ANKS3: variants seen among roughly 807,000 people sequenced by gnomAD.
ANKS3 encodes the protein ankyrin repeat and SAM domain-containing protein 3.
A neutral mutation model predicts 80.7 loss-of-function variants in ANKS3; 62 were observed. The observed-to-expected ratio is 0.77, with a 90% CI of 0.63 to 0.95. ANKS3 has a LOEUF of 0.95. Among genes scored for constraint, ANKS3 ranks in the 40% least tolerant of loss-of-function variants. ANKS3 has a pLI of 0.00. For synonymous variants in ANKS3, 489 were observed against 355.3 expected (o/e 1.38, Z -4.23); for missense variants, 1,150 against 883.6 (o/e 1.30, Z -3.82).
chr16:4,698,280 A>G (rs2079691105), intron 14 of ANKS3, 147 bp downstream of exon 14: 4 of 1,237,422 alleles, frequency 3.2e-6, no homozygotes, highest in South Asian at 3.2e-5. Flanking sequence ...GCAGGAAGGA[A>G]GGGCCTGATG....
chr16:4,698,109 C>CT, intron 14 of ANKS3, 47 bp from the exon 15 acceptor site: 1 of 1,539,194 alleles, frequency 6.5e-7, no homozygotes, highest in Non-Finnish European at 8.8e-7. Flanking sequence ...GGCCTGGCCG[C>CT]TGCAGAGCCC....
In ANKS3 at chr16:4,697,110, G is replaced by GA; in HGVS notation, c.1895-7dup. The GA allele has an allele frequency of 6.2e-7, 1 of 1,613,122 alleles. No individual in the cohort carries two copies. The highest frequency in any genetic ancestry group is 1.1e-5 in the South Asian group (1 of 90,930). ...CACTAAGCACAGTGCTTGCCCTGAG[G>GA]AATGATGACCTTGAGCCTCTCCCGG... On this transcript the variant is annotated splice_polypyrimidine_tract_variant and splice_region_variant and intron_variant, in intron 16 of 17. Transcript: ENST00000304283.
chr16:4,701,048 G>A lies in ANKS3; in HGVS notation c.1206C>T (p.Pro402=), dbSNP rs777339698. 1 of 1,614,122 alleles carries A rather than the reference G, an allele frequency of 6.2e-7. No homozygotes were observed. The highest frequency in any genetic ancestry group is 8.5e-7 in the Non-Finnish European group (1 of 1,180,038). The change falls in exon 11 of 18, where the codon CCC becomes CCT. Residue 402 remains proline (P), a synonymous_variant. Coordinates refer to ENST00000304283, the MANE Select transcript of ANKS3 (RefSeq NM_133450.4). ...AGCCTTCCCTGTCAGTTGCAGCGCGGGGAGGCCACTGGCTGTCAGGATTCT... is the reference window on the plus strand; with the variant it reads ...AGCCTTCCCTGTCAGTTGCAGCGCGAGGAGGCCACTGGCTGTCAGGATTCT... ...KTKNPDSQWP[P]RAATDREGFL...
intron 6 of ANKS3, among the ~76,000 whole-genome samples, chr16:4,721,684 G>T (rs886091169): frequency 1.3e-5 from 2 of 150,984 alleles, no homozygotes; most frequent in African/African-American, 2.4e-5. Context: ...TGTCACCCAG[G>T]CTGGAGTGCA....
chr16:4,732,458 G>T (rs925928271), intron 1 of ANKS3, among the ~76,000 whole-genome samples: 1 of 152,106 alleles, frequency 6.6e-6, no homozygotes, highest in African/African-American at 2.4e-5. Flanking sequence ...CAAGCGTGAC[G>T]GACCACTTGA....
intron 8 of ANKS3, among the ~76,000 whole-genome samples, chr16:4,703,761 T>A (rs986548391): frequency 1.6e-4 from 25 of 152,174 alleles, no homozygotes; most frequent in African/African-American, 5.3e-4. Flanking sequence ...ATAGAAAATT[T>A]AAATTTCACA....
In ANKS3 at chr16:4,713,932, G is replaced by C. The variant is rs2080633759; in HGVS notation, c.709+119C>G. The C allele has an allele frequency of 5.7e-6, 8 of 1,406,128 alleles. No homozygotes were observed. In the African/African-American group the frequency reaches 5.8e-5, roughly 10 times the overall value. The allele number at this position is 1,406,128 out of a possible 1,614,324, so 87.1% of individuals were successfully genotyped here. ...GACATGTAAGCAGCTGGGGGAGGCA[G>C]AGCCAAATCTCAGAGAAGGTGGGAG... is the stretch of plus-strand genomic sequence containing the variant. On this transcript the variant is annotated intron_variant, in intron 7 of 17. Transcript: ENST00000304283.
intron 7 of ANKS3, among the ~76,000 whole-genome samples, chr16:4,708,461 G>C (rs1001842202): frequency 2.6e-5 from 4 of 151,846 alleles, no homozygotes; most frequent in African/African-American, 9.7e-5. Flanking sequence ...AGCAACAAAA[G>C]GGCAACAATG....
intron 6 of ANKS3, among the ~76,000 whole-genome samples, chr16:4,717,939 G>A (rs1567398609): frequency 6.6e-6 from 1 of 152,160 alleles, no homozygotes. Context: ...GGGACTACAG[G>A]GGCACGCCAC....
At chr16:4,722,112 C>T (rs1031791469) in intron 6 of ANKS3, among the ~76,000 whole-genome samples, 1 of 151,344 alleles carries the variant, frequency 6.6e-6, no homozygotes, top group African/African-American at 2.4e-5. Flanking sequence ...GCCTGCGGTG[C>T]ACCCACCTTC....
chr16:4,710,126 G>C (rs540236044), intron 7 of ANKS3, among the ~76,000 whole-genome samples: 20 of 152,176 alleles, frequency 1.3e-4, no homozygotes, highest in Admixed American at 3.9e-4. Flanking sequence ...CAGAGGTTGG[G>C]GGTGGGGAGG....
At chr16:4,722,115 C>A (rs1277408793) in intron 6 of ANKS3, among the ~76,000 whole-genome samples, 2 of 151,208 alleles carry the variant, frequency 1.3e-5, no homozygotes, top group Non-Finnish European at 3.0e-5. Context: ...TGCGGTGCAC[C>A]CACCTTCTGG....
intron 14 of ANKS3, 76 bp downstream of exon 14, chr16:4,698,351 A>G (rs1015658821): frequency 7.0e-7 from 1 of 1,428,110 alleles, no homozygotes. Context: ...AATCAGGAGG[A>G]AAGGATGTGT....
intron 2 of ANKS3, among the ~76,000 whole-genome samples, chr16:4,730,887 C>A (rs1035709523): frequency 2.6e-5 from 4 of 151,904 alleles, no homozygotes; most frequent in Non-Finnish European, 4.4e-5. Context: ...AACAAAAAAG[C>A]AGCTCTGCTA....
chr16:4,716,992 T>G (rs8059549), intron 6 of ANKS3, among the ~76,000 whole-genome samples: 12,330 of 151,450 alleles, frequency 0.081, 1,036 homozygotes, highest in African/African-American at 0.22. Flanking sequence ...AGCACTTTGG[T>G]AGGCCGAGAC....
At chr16:4,706,476 C>A (rs1042172390) in intron 7 of ANKS3, among the ~76,000 whole-genome samples, 1 of 152,154 alleles carries the variant, frequency 6.6e-6, no homozygotes, top group Non-Finnish European at 1.5e-5. Flanking sequence ...ACCTTGTGAT[C>A]CGCCCACCTT....
chr16:4,705,860 C>T (rs976267212), intron 7 of ANKS3, among the ~76,000 whole-genome samples: 1 of 152,082 alleles, frequency 6.6e-6, no homozygotes, highest in Non-Finnish European at 1.5e-5. Flanking sequence ...AAACCCATCT[C>T]TTCATTAAAA....
At chr16:4,722,035 T>C (rs897109610) in intron 6 of ANKS3, among the ~76,000 whole-genome samples, 1 of 151,464 alleles carries the variant, frequency 6.6e-6, no homozygotes, top group Middle Eastern at 3.4e-3. Context: ...CATGAGCATG[T>C]GTGGGTGTAT....
rs748925962 is a variant in ANKS3 at position 4,720,981 on chromosome 16, C to T, written c.573+3769G>A. Among the ~76,000 whole-genome samples, 71 of 142,138 alleles carry T rather than the reference C, an allele frequency of 5.0e-4. 3 individuals are homozygous for T. Among genetic ancestry groups the T allele is most frequent in the Non-Finnish European group, 9.0e-4 (59 of 65,466 alleles). 93.2% of individuals were successfully genotyped at this position (142,138 alleles called of 152,430 possible). Reference sequence around the variant, plus strand: ...ACAAAAAAACTCTGATTCATCCCTACAGGGAATACCATGCCACCATAAAAA... The same window carrying T: ...ACAAAAAAACTCTGATTCATCCCTATAGGGAATACCATGCCACCATAAAAA... On this transcript the variant is annotated intron_variant, in intron 6 of 17. Transcript: ENST00000304283.
Sources: allele counts gnomAD v4.1 joint callset (sites outside exome capture counted in the v4.1 genomes callset), GRCh38; gene constraint gnomAD v4.1.1; transcripts MANE v1.5; gene names NCBI Gene and HGNC (gene_info 2026-07-23, HGNC 2026-07-21).